The following RELCH variants were observed in gnomAD, a reference collection of about 807,000 sequenced individuals.
RELCH encodes RAB11 binding and LisH domain, coiled-coil and HEAT repeat containing, also known as RAB11-binding protein RELCH.
RELCH carries 41 observed loss-of-function variants against 150.3 expected under a neutral mutation model. That is an observed-to-expected ratio of 0.27 (90% CI 0.21 to 0.35). RELCH has a LOEUF of 0.35. RELCH is among the 10% of genes least tolerant of loss of function. The pLI, the probability that RELCH is intolerant of heterozygous loss-of-function variation, is 1.00. For missense variants in RELCH, 1,092 were observed against 1,467.8 expected (o/e 0.74, Z 4.18); for synonymous variants, 478 against 531.8 (o/e 0.90, Z 1.39).
chr18:62,215,397 C>T (rs2040420390), intron 2 of RELCH, among the ~76,000 whole-genome samples: 1 of 152,134 alleles, frequency 6.6e-6, no homozygotes, highest in South Asian at 2.1e-4. Flanking sequence ...TGAAGGGTCT[C>T]CTCTAACCCT....
intron 23 of RELCH, chr18:62,280,350 T>A: frequency 6.2e-7 from 1 of 1,612,890 alleles, no homozygotes; most frequent in Non-Finnish European, 8.5e-7. Flanking sequence ...GCATGTTGAC[T>A]GGTTTACAGC....
At chr18:62,246,697 G>A (rs929342680) in intron 11 of RELCH, 10 of 152,130 alleles carry the variant, frequency 6.6e-5, no homozygotes, top group African/African-American at 2.2e-4. Context: ...TAAGTAGAAT[G>A]CACTAAGTCA....
intron 10 of RELCH, among the ~76,000 whole-genome samples, chr18:62,235,945 T>G (rs1224370695): frequency 6.6e-6 from 1 of 152,070 alleles, no homozygotes; most frequent in East Asian, 1.9e-4. Context: ...GGCTTTTATT[T>G]TTTCCTCTTG....
At position 62,264,217 on chromosome 18, in the gene RELCH, AT is replaced by A. The variant is rs2043426450; in HGVS notation, c.2507+73del. The stretch of plus-strand genomic sequence containing the variant: ...ATTTAGCCTTGGCCCTAAGAACAAA[AT>A]ATAACAAAACTTTTAAAATGTAACT... On this transcript the variant is annotated intron_variant, in intron 17 of 28. Transcript: ENST00000644646. 4 of 1,279,288 alleles carry A rather than the reference AT, an allele frequency of 3.1e-6. No homozygotes were observed. The South Asian group carries it at 4.2e-5, about 13-fold the overall frequency. The allele number at this position is 1,279,288 out of a possible 1,614,324, so 79.2% of individuals were successfully genotyped here. A position where few individuals can be genotyped will look rare whatever the true frequency, so the allele number is the denominator to read the frequency against.
chr18:62,223,260 G>A (rs1331813329), intron 5 of RELCH, among the ~76,000 whole-genome samples: 2 of 151,926 alleles, frequency 1.3e-5, no homozygotes, highest in Non-Finnish European at 2.9e-5. Context: ...AAAGAGAGAA[G>A]ATACAAATAA....
intron 1 of RELCH, among the ~76,000 whole-genome samples, chr18:62,191,315 T>C (rs1244846741): frequency 6.6e-6 from 1 of 152,226 alleles, no homozygotes; most frequent in African/African-American, 2.4e-5. Context: ...CAGTGTCTCA[T>C]TGTGGCTTTA....
chr18:62,227,518 A>C (rs1013689867), intron 6 of RELCH, 26 bp downstream of exon 6: 1 of 1,593,162 alleles, frequency 6.3e-7, no homozygotes, highest in African/African-American at 1.3e-5. Flanking sequence ...TAATTAGTCA[A>C]GTCCACAGAA....
At chr18:62,220,094 T>C (rs2040754556) in intron 2 of RELCH, among the ~76,000 whole-genome samples, 1 of 152,126 alleles carries the variant, frequency 6.6e-6, no homozygotes, top group Non-Finnish European at 1.5e-5. Flanking sequence ...ATTAAAATGT[T>C]TCCTCAATAT....
intron 2 of RELCH, among the ~76,000 whole-genome samples, chr18:62,215,872 T>G (rs1168729552): frequency 4.6e-5 from 7 of 152,184 alleles, no homozygotes; most frequent in Admixed American, 2.6e-4. Flanking sequence ...ATGAAACTAT[T>G]TCACAGAGCC....
intron 2 of RELCH, among the ~76,000 whole-genome samples, chr18:62,213,084 TA>T (rs1037335037): frequency 3.3e-5 from 5 of 152,150 alleles, no homozygotes; most frequent in East Asian, 1.9e-4. Flanking sequence ...TGGTAATATC[TA>T]AAAATTTACA....
chr18:62,277,713 AAG>A (rs2044287955), intron 22 of RELCH: 1 of 959,770 alleles, frequency 1.0e-6, no homozygotes. Context: ...GCAGGACAAA[AAG>A]AGGGAACCCA....
At chr18:62,270,738 G>C (rs1226354093) in intron 20 of RELCH, among the ~76,000 whole-genome samples, 1 of 151,968 alleles carries the variant, frequency 6.6e-6, no homozygotes, top group Non-Finnish European at 1.5e-5. Flanking sequence ...TTGGTTTGCT[G>C]CACCCCTTAA....
Position 62,187,526 on chromosome 18 carries a change from A to G in RELCH, c.21A>G (p.Gly7=). MAAMAP[G]GSGSGGGVNP... The stretch of plus-strand genomic sequence containing the variant: ...ATAAGATGGCGGCGATGGCGCCTGG[A>G]GGTAGTGGCAGTGGTGGCGGCGTGA... Residue 7 remains glycine, a synonymous_variant, in exon 1 of 29, where the codon GGA becomes GGG. Transcript: ENST00000644646. The G allele has an allele frequency of 1.3e-6, 2 of 1,513,888 alleles. No homozygotes were observed. The highest frequency in any genetic ancestry group is 1.8e-6 in the Non-Finnish European group (2 of 1,131,198). 93.8% of individuals were successfully genotyped at this position (1,513,888 alleles called of 1,614,324 possible).
chr18:62,263,455 T>C (rs1270445037), intron 16 of RELCH, among the ~76,000 whole-genome samples: 2 of 152,092 alleles, frequency 1.3e-5, no homozygotes, highest in East Asian at 1.9e-4. Context: ...TAAATGTTAA[T>C]GTTACTATAC....
At chr18:62,218,456 A>G (rs932608864) in intron 2 of RELCH, among the ~76,000 whole-genome samples, 4 of 151,940 alleles carry the variant, frequency 2.6e-5, no homozygotes, top group African/African-American at 9.7e-5. Flanking sequence ...CAAAGTATTG[A>G]TATTTTATTT....
chr18:62,264,802 T>A lies in RELCH; in HGVS notation c.2581T>A (p.Phe861Ile), dbSNP rs750255898. 6.2e-7 allele frequency: 1 copy of A among 1,609,862 alleles called. No individual in the cohort carries two copies. The highest frequency in any genetic ancestry group is 1.3e-5 in the African/African-American group (1 of 74,870). Residue 861 changes from phenylalanine (F) to isoleucine (I), a missense_variant, in exon 18 of 29, where the codon TTT becomes ATT. Phe to Ile is a conservative substitution (Grantham distance 21, BLOSUM62 0). This residue lies in a region of RELCH where 707 missense variants were observed against 1,025.4 expected (regional missense o/e 0.69). Coordinates refer to ENST00000644646, the MANE Select transcript of RELCH (RefSeq NM_001346231.2). ...STACVHEFSR[F>I]FWRLCRTFGK... ...TGCCTGTGTCCATGAATTCTCCAGA[T>A]TTTTCTGGCGCCTTTGCCGGACATT...
Position 62,279,815 on chromosome 18 carries a change from G to T in RELCH, c.3009G>T (p.Arg1003Ser). The T allele has an allele frequency of 1.3e-6, 2 of 1,535,706 alleles. No individual in the cohort carries two copies. Among genetic ancestry groups the T allele is most frequent in the Non-Finnish European group, 1.7e-6 (2 of 1,146,666 alleles). Residue 1003 changes from arginine (R) to serine (S), a missense_variant, in exon 23 of 29, where the codon AGG (arginine) becomes AGT (serine). Transcript: ENST00000644646. Reference protein sequence around the residue: ...KGVNETLVAQRVVPALITLSS... With the variant: ...KGVNETLVAQSVVPALITLSS... ...TGAATGAAACTCTGGTAGCTCAGAG[G>T]GTTGTTCCTGCTCTCATTACTCTCT...
chr18:62,252,679 A>G lies in RELCH; in HGVS notation c.1749A>G (p.Thr583=), dbSNP rs2144582121. 1 of 1,613,854 alleles carries G rather than the reference A, an allele frequency of 6.2e-7. No homozygotes were observed. The highest frequency in any genetic ancestry group is 2.2e-5 in the East Asian group (1 of 44,840). ...TATTTTTCAGGCAAATGATACTGAC[A>G]GGTTGTGTGGCATTTGCGCGTCATG... is the stretch of plus-strand genomic sequence containing the variant. ...PDDEQRQMIL[T]GCVAFARHVG... The change falls in exon 12 of 29, where the codon ACA becomes ACG. Residue 583 remains threonine (T), a synonymous_variant. Transcript: ENST00000644646.
In RELCH at chr18:62,305,334, G is replaced by A. The variant is rs1033085303; in HGVS notation, c.3531-80G>A. On this transcript the variant is annotated intron_variant, in intron 28 of 28. Coordinates refer to ENST00000644646, the MANE Select transcript of RELCH (RefSeq NM_001346231.2). The surrounding 1 kb of genome is among the most constrained non-coding windows in gnomAD (Gnocchi z 4.0). Reference sequence around the variant, plus strand: ...TGTGACGCCAATTCAGAGTGTGTTCGTTAATGATATGCTACTAAATAAATG... The same window carrying A: ...TGTGACGCCAATTCAGAGTGTGTTCATTAATGATATGCTACTAAATAAATG... 4.0e-5 allele frequency: 51 copies of A among 1,268,876 alleles called. No individual in the cohort carries two copies. The highest frequency in any genetic ancestry group is 2.2e-4 in the Middle Eastern group (1 of 4,646). 78.6% of individuals were successfully genotyped at this position (1,268,876 alleles called of 1,614,324 possible). A position where few individuals can be genotyped will look rare whatever the true frequency, so the allele number is the denominator to read the frequency against.
Sources: allele counts gnomAD v4.1 joint callset (sites outside exome capture counted in the v4.1 genomes callset), GRCh38; gene constraint gnomAD v4.1.1; regional missense constraint gnomAD v4.1.1; non-coding constraint Gnocchi (gnomAD v3.1); transcripts MANE v1.5; gene names NCBI Gene and HGNC (gene_info 2026-07-23, HGNC 2026-07-21).